Variants in ULK1 observed in about 807,000 individuals in gnomAD.
ULK1 encodes serine/threonine-protein kinase ULK1.
A neutral mutation model predicts 117.5 loss-of-function variants in ULK1; 48 were observed. The ratio of observed to expected loss-of-function variants is 0.41; its 90% CI spans 0.32 to 0.52. ULK1 has a LOEUF of 0.52. ULK1 is among the 20% of genes least tolerant of loss of function. ULK1 has a pLI of 0.29. For missense variants in ULK1, 1,387 were observed against 1,473.4 expected (o/e 0.94, Z 0.96); for synonymous variants, 790 against 637.8 (o/e 1.24, Z -3.60).
intron 12 of ULK1, 65 bp downstream of exon 12, chr12:131,910,865 T>G (rs1889504121): frequency 1.9e-6 from 3 of 1,601,344 alleles, no homozygotes; most frequent in Admixed American, 1.7e-5. Context: ...GCTCCAGCCC[T>G]GGGCCCCCGC....
intron 14 of ULK1, 137 bp from the exon 15 acceptor site, chr12:131,913,610 C>A (rs12227124): frequency 8.5e-6 from 5 of 587,326 alleles, no homozygotes; most frequent in Non-Finnish European, 1.1e-5. Flanking sequence ...GAGGCTGAGG[C>A]AGGAGAATCG....
intron 3 of ULK1, chr12:131,906,449 G>T (rs1215605022): frequency 5.9e-6 from 1 of 168,554 alleles, no homozygotes; most frequent in African/African-American, 2.4e-5. Flanking sequence ...GTCTCAAACT[G>T]CTGACCTTGT....
chr12:131,911,929 C>T lies in ULK1; in HGVS notation c.949-13C>T, dbSNP rs761486740. The T allele has an allele frequency of 6.8e-6, 11 of 1,612,688 alleles. No individual in the cohort carries two copies. Among genetic ancestry groups the T allele is most frequent in the Admixed American group, 1.7e-5 (1 of 60,004 alleles). On this transcript the variant is annotated splice_polypyrimidine_tract_variant and intron_variant, in intron 12 of 27. Coordinates refer to ENST00000321867, the MANE Select transcript of ULK1 (RefSeq NM_003565.4). Reference sequence around the variant, plus strand: ...CCTGAGACCTGCTCACCAGCCCCTCCGTTGACTCTCAGTCCCTGGGCGAGA... The same window carrying T: ...CCTGAGACCTGCTCACCAGCCCCTCTGTTGACTCTCAGTCCCTGGGCGAGA...
chr12:131,912,095 G>A lies in ULK1; in HGVS notation c.1096+6G>A. 3 of 1,609,568 alleles carry A rather than the reference G, an allele frequency of 1.9e-6. No individual in the cohort carries two copies. The highest frequency in any genetic ancestry group is 2.5e-6 in the Non-Finnish European group (3 of 1,178,166). ...GGTCCCCGCGCAGTTTCCAGGTCAG[G>A]GGGCACGCTGGGCTTGGAGGTGACG... On this transcript the variant is annotated splice_donor_region_variant and intron_variant, in intron 13 of 27. Transcript: ENST00000321867.
In ULK1 at chr12:131,919,475, C is replaced by T. The variant is rs149070426; in HGVS notation, c.2688C>T (p.Phe896=). 1.5e-3 allele frequency: 2,388 copies of T among 1,610,130 alleles called. 4 individuals carry two copies. The highest frequency in any genetic ancestry group is 7.1e-3 in the Middle Eastern group (43 of 6,042). The change falls in exon 25 of 28, where the codon TTC becomes TTT. Residue 896 remains phenylalanine, a synonymous_variant. Transcript: ENST00000321867. Reference sequence around the variant, plus strand: ...CTGATCTGCCTGCCGCCCCCAGCTTCGCGGAACAGCTGGTGCTGTACCTGA... The same window carrying T: ...CTGATCTGCCTGCCGCCCCCAGCTTTGCGGAACAGCTGGTGCTGTACCTGA... ...QISLLSREWG[F]AEQLVLYLKV...
In ULK1 at chr12:131,917,481, G is replaced by C. The variant is rs55770096; in HGVS notation, c.2253G>C (p.Pro751=). The C allele has an allele frequency of 6.6e-7, 1 of 1,508,412 alleles. No homozygotes were observed. The highest frequency in any genetic ancestry group is 1.3e-5 in the South Asian group (1 of 77,774). 93.4% of individuals were successfully genotyped at this position (1,508,412 alleles called of 1,614,324 possible). Residue 751 remains proline, a synonymous_variant, in exon 22 of 28, where the codon CCG becomes CCC. Coordinates refer to ENST00000321867, the MANE Select transcript of ULK1 (RefSeq NM_003565.4). ...CTGGGGGCACCAGCAGCCCTTCCCC[G>C]GTGGTCTTCACCGTGGGCTCTCCCC... The part of the protein sequence containing the change: ...ARAGGTSSPS[P]VVFTVGSPPS...
chr12:131,910,832 C>T lies in ULK1; in HGVS notation c.948+32C>T. 2.5e-6 allele frequency: 4 copies of T among 1,610,848 alleles called. No homozygotes were observed. The Middle Eastern group carries it at 6.7e-4, about 268-fold the overall frequency. The stretch of plus-strand genomic sequence containing the variant: ...TGCCGCCCCAGGGGCTTGGCAGCTT[C>T]TCCCTCCACTCAGCAGTCAGGGGCT... On this transcript the variant is annotated intron_variant, in intron 12 of 27. Coordinates refer to ENST00000321867, the MANE Select transcript of ULK1 (RefSeq NM_003565.4).
At chr12:131,910,883 T>A (rs765649041) in intron 12 of ULK1, 83 bp downstream of exon 12, 66 of 1,574,204 alleles carry the variant, frequency 4.2e-5, no homozygotes, top group Non-Finnish European at 5.5e-5. Context: ...CGCGGGGACG[T>A]GCTGTGACTT....
chr12:131,895,615 G>A lies in ULK1; in HGVS notation c.126G>A (p.Glu42=), dbSNP rs367758686. The change falls in exon 2 of 28, where the codon GAG becomes GAA. Residue 42 remains glutamate (E), a synonymous_variant. Coordinates refer to ENST00000321867, the MANE Select transcript of ULK1 (RefSeq NM_003565.4). ...TTGGCTTTCAGAAGCACGATTTGGA[G>A]GTCGCCGTCAAGTGCATTAACAAGA... ...KGRHREKHDL[E]VAVKCINKKN... is the part of the protein sequence containing the mutation. 1.1e-5 allele frequency: 17 copies of A among 1,613,866 alleles called. No homozygotes were observed. The highest frequency in any genetic ancestry group is 1.4e-5 in the Non-Finnish European group (17 of 1,179,982).
chr12:131,917,125 C>A, intron 21 of ULK1, 63 bp downstream of exon 21: 1 of 780,088 alleles, frequency 1.3e-6, no homozygotes, highest in Non-Finnish European at 1.6e-6. Context: ...GGATGGGGGT[C>A]GGAGGCTGTG....
In ULK1 at chr12:131,922,207, A is replaced by G; in HGVS notation, c.*846A>G. 2.8e-6 allele frequency: 1 copy of G among 362,138 alleles called. No homozygotes were observed. Among genetic ancestry groups the G allele is most frequent in the Non-Finnish European group, 5.5e-6 (1 of 181,406 alleles). The allele number at this position is 362,138 out of a possible 1,614,324, so 22.4% of individuals were successfully genotyped here. ...AAAGGAGAAAACTTGTAGGTGTTTAAGAATTGGTTTTGGGAGGGCGAGGAC... is the reference window on the plus strand; with the variant it reads ...AAAGGAGAAAACTTGTAGGTGTTTAGGAATTGGTTTTGGGAGGGCGAGGAC... On this transcript the variant is annotated 3_prime_UTR_variant, in exon 28 of 28. Coordinates refer to ENST00000321867, the MANE Select transcript of ULK1 (RefSeq NM_003565.4).
chr12:131,907,371 G>C (rs930535357), intron 4 of ULK1, 124 bp from the exon 5 acceptor site: 17 of 1,237,482 alleles, frequency 1.4e-5, no homozygotes, highest in East Asian at 5.1e-5. Context: ...ACCTGCCCTG[G>C]GCTGGGCAGG....
Position 131,917,081 on chromosome 12 carries a change from C to CTCGGAGGCTGTGGGATGGGGG in ULK1, c.2182+82_2182+102dup, listed in dbSNP as rs1566126198. ...GAGATCGGTGTGTGGGTGGGTGGGG[C>CTCGGAGGCTGTGGGATGGGGG]TCGGAGGCTGTGGGATGGGGGTCGG... On this transcript the variant is annotated intron_variant, in intron 21 of 27. Coordinates refer to ENST00000321867, the MANE Select transcript of ULK1 (RefSeq NM_003565.4). 17 of 1,199,436 alleles carry CTCGGAGGCTGTGGGATGGGGG rather than the reference C, an allele frequency of 1.4e-5. No homozygotes were observed. The highest frequency in any genetic ancestry group is 7.9e-5 in the East Asian group (2 of 25,172). The allele number at this position is 1,199,436 out of a possible 1,614,324, so 74.3% of individuals were successfully genotyped here. A position where few individuals can be genotyped will look rare whatever the true frequency, so the allele number is the denominator to read the frequency against.
chr12:131,916,733 A>G lies in ULK1; in HGVS notation c.2072+142A>G, dbSNP rs995745667. On this transcript the variant is annotated intron_variant, in intron 20 of 27. Coordinates refer to ENST00000321867, the MANE Select transcript of ULK1 (RefSeq NM_003565.4). Reference sequence around the variant, plus strand: ...TGGGTGCCCAGTGTGGCTGGGTGCCAGAGAGCCTGGCCCACCTGTGGCTGG... The same window carrying G: ...TGGGTGCCCAGTGTGGCTGGGTGCCGGAGAGCCTGGCCCACCTGTGGCTGG... The G allele has an allele frequency of 1.2e-5, 15 of 1,216,770 alleles. No homozygotes were observed. In the African/African-American group the frequency reaches 1.5e-4, roughly 12 times the overall value. 75.4% of individuals were successfully genotyped at this position (1,216,770 alleles called of 1,614,324 possible). A position where few individuals can be genotyped will look rare whatever the true frequency, so the allele number is the denominator to read the frequency against.
intron 1 of ULK1, 23 bp downstream of exon 1, chr12:131,895,135 G>T: frequency 6.7e-7 from 1 of 1,493,722 alleles, no homozygotes; most frequent in Non-Finnish European, 8.9e-7. Flanking sequence ...TCCGGCCCGG[G>T]ATCCCCCGCC....
Position 131,915,078 on chromosome 12 carries a change from T to C in ULK1, c.1374-5T>C, listed in dbSNP as rs577747839. The C allele has an allele frequency of 2.6e-6, 4 of 1,538,250 alleles. No homozygotes were observed. The African/African-American group carries it at 5.5e-5, about 21-fold the overall frequency. Reference sequence around the variant, plus strand: ...CTCCCCTCCTAATATCTGCCTTGTCTTCAGGTCCTCTGCCATCCGCAGGTC... The same window carrying C: ...CTCCCCTCCTAATATCTGCCTTGTCCTCAGGTCCTCTGCCATCCGCAGGTC... On this transcript the variant is annotated splice_polypyrimidine_tract_variant and splice_region_variant and intron_variant, in intron 16 of 27. Transcript: ENST00000321867.
intron 14 of ULK1, 55 bp from the exon 15 acceptor site, chr12:131,913,692 G>C: frequency 2.3e-6 from 3 of 1,330,902 alleles, no homozygotes; most frequent in Non-Finnish European, 3.0e-6. Context: ...GTGACAGAGT[G>C]AGACTGCCCC....
At position 131,922,078 on chromosome 12, in the gene ULK1, C is replaced by T. The variant is rs1010816948; in HGVS notation, c.*717C>T. Reference sequence around the variant, plus strand: ...TTTGTTCAAGCGTTCCTCTGGGGACCGGCAGCAGAGGCACCGTGTTCTCTC... The same window carrying T: ...TTTGTTCAAGCGTTCCTCTGGGGACTGGCAGCAGAGGCACCGTGTTCTCTC... On this transcript the variant is annotated 3_prime_UTR_variant, in exon 28 of 28. Transcript: ENST00000321867. The T allele has an allele frequency of 3.5e-5, 16 of 451,492 alleles. No individual in the cohort carries two copies. The highest frequency in any genetic ancestry group is 7.0e-5 in the East Asian group (1 of 14,264). The allele number at this position is 451,492 out of a possible 1,614,324, so 28.0% of individuals were successfully genotyped here.
At chr12:131,895,436 T>TACCCCAGGACCCCC (rs1386487625) in intron 1 of ULK1, among the ~76,000 whole-genome samples, 165 bp from the exon 2 acceptor site, 1 of 151,630 alleles carries the variant, frequency 6.6e-6, no homozygotes, top group Non-Finnish European at 1.5e-5. Flanking sequence ...GCTGGATCCC[T>TACCCCAGGACCCCC]ACCCCAGGAC....
Sources: gnomAD v4.1 joint callset for allele counts (sites outside exome capture counted in the v4.1 genomes callset) on GRCh38, gnomAD v4.1.1 for gene constraint, MANE v1.5 for transcripts, NCBI Gene and HGNC (gene_info 2026-07-23, HGNC 2026-07-21) for gene names.